TRPM3: variants seen among roughly 807,000 people sequenced by gnomAD.
TRPM3 encodes the protein long transient receptor potential channel 3.
Under a neutral mutation model 181.2 loss-of-function variants are expected in TRPM3, and 77 were observed. The ratio of observed to expected loss-of-function variants is 0.42; its 90% confidence interval spans 0.35 to 0.51. The LOEUF (loss-of-function observed/expected upper bound fraction) is 0.51. TRPM3 is among the 20% of genes least tolerant of loss of function. TRPM3 has a pLI of 0.01. For synonymous variants in TRPM3, 745 were observed against 796.4 expected, an observed-to-expected ratio of 0.94 and a Z score of 1.09; for missense variants, 1,759 against 2,196.7, an observed-to-expected ratio of 0.80 and a Z score of 3.98.
At chr9:70,914,168 T>C (rs1589735920) in intron 1 of TRPM3, among the ~76,000 whole-genome samples, 2 of 152,204 alleles carry the variant, frequency 1.3e-5, no homozygotes, top group African/African-American at 4.8e-5. Context: ...ATGGAGTTAA[T>C]GCCCATATAA....
chr9:70,655,923 T>C (rs1046999905), intron 9 of TRPM3, among the ~76,000 whole-genome samples: 1 of 152,200 alleles, frequency 6.6e-6, no homozygotes, highest in African/African-American at 2.4e-5. Context: ...AATACCTCTA[T>C]GTATTTATAT....
At chr9:71,386,578 A>G (rs2092928824) in intron 1 of TRPM3, among the ~76,000 whole-genome samples, 1 of 152,180 alleles carries the variant, frequency 6.6e-6, no homozygotes, top group South Asian at 2.1e-4. Flanking sequence ...GTACAGATGT[A>G]TCTGGTAGTC....
intron 5 of TRPM3, among the ~76,000 whole-genome samples, chr9:70,842,605 AGAGCCCTGGG>A (rs1012384812): frequency 6.6e-6 from 1 of 152,152 alleles, no homozygotes; most frequent in Non-Finnish European, 1.5e-5. Flanking sequence ...TAAAGATGCT[AGAGCCCTGGG>A]GTGCGGAGAG....
intron 7 of TRPM3, among the ~76,000 whole-genome samples, chr9:70,762,430 G>T (rs1021290317): frequency 3.3e-5 from 5 of 152,166 alleles, no homozygotes; most frequent in African/African-American, 1.2e-4. Flanking sequence ...TCTTAAATAT[G>T]AATCAATCAC....
Position 71,269,412 on chromosome 9 carries a change from C to T in TRPM3, c.183+177241G>A, listed in dbSNP as rs543580942. Among the ~76,000 whole-genome samples, 6 of 152,290 alleles carry T rather than the reference C, an allele frequency of 3.9e-5. No homozygotes were observed. The East Asian group carries it at 5.8e-4, about 15-fold the overall frequency. On this transcript the variant is annotated intron_variant, in intron 1 of 24. Transcript: ENST00000357533. ...GTTTAAGAGAAAAACTGAACACATTCCTTCTCCAAGTCAGTGAACCATGGC... is the reference window on the plus strand; with the variant it reads ...GTTTAAGAGAAAAACTGAACACATTTCTTCTCCAAGTCAGTGAACCATGGC...
chr9:70,976,295 A>G (rs1193325378), intron 1 of TRPM3, among the ~76,000 whole-genome samples: 1 of 152,194 alleles, frequency 6.6e-6, no homozygotes, highest in African/African-American at 2.4e-5. Flanking sequence ...GTGAAGGAAA[A>G]CAGAACAGGG....
intron 1 of TRPM3, among the ~76,000 whole-genome samples, chr9:71,223,580 G>A (rs2080376139): frequency 6.6e-6 from 1 of 152,208 alleles, no homozygotes; most frequent in Admixed American, 6.5e-5. Context: ...TCACAGTGAG[G>A]CAGAGCATCA....
At chr9:71,032,015 A>AT (rs1491444584) in intron 1 of TRPM3, among the ~76,000 whole-genome samples, 31 of 506 alleles carry the variant, frequency 0.061, no homozygotes, top group South Asian at 0.5. Flanking sequence ...ATAATATATA[A>AT]TATATATATA....
intron 12 of TRPM3, among the ~76,000 whole-genome samples, chr9:70,629,428 C>G (rs964997643): frequency 3.3e-5 from 5 of 151,956 alleles, no homozygotes; most frequent in African/African-American, 1.2e-4. Context: ...CTCCGCCTCC[C>G]GGGTTCAAGT....
intron 1 of TRPM3, among the ~76,000 whole-genome samples, chr9:71,147,115 T>G (rs1005432956): frequency 6.6e-6 from 1 of 152,178 alleles, no homozygotes; most frequent in Non-Finnish European, 1.5e-5. Flanking sequence ...TGTCCCAGCC[T>G]AGGAGCCAAG....
At chr9:71,102,577 C>A (rs979252085) in intron 1 of TRPM3, among the ~76,000 whole-genome samples, 10 of 152,172 alleles carry the variant, frequency 6.6e-5, no homozygotes, top group African/African-American at 2.4e-4. Context: ...TGCACATACT[C>A]TTTCCTCTCC....
rs539986640 is a variant in TRPM3, at chr9:71,093,129, A to C, written c.177+28049T>G. On this transcript the variant is annotated intron_variant, in intron 1 of 25. Transcript: ENST00000677713. ...AAATGTAAAACCCAAAACCATAAAA[A>C]TCATAGAAGAAAACCTAGGCAATAC... Among the ~76,000 whole-genome samples, 248 of 152,314 alleles carry C rather than the reference A, an allele frequency of 1.6e-3. 2 individuals carry two copies. Among genetic ancestry groups the C allele is most frequent in the African/African-American group, 5.7e-3 (237 of 41,570 alleles).
intron 8 of TRPM3, among the ~76,000 whole-genome samples, chr9:70,749,772 A>C (rs2075808599): frequency 6.6e-6 from 1 of 152,180 alleles, no homozygotes; most frequent in Admixed American, 6.5e-5. Context: ...GCTTTATTTA[A>C]TTTTTATCTT....
intron 6 of TRPM3, among the ~76,000 whole-genome samples, chr9:70,815,217 C>T (rs1303420030): frequency 1.3e-5 from 2 of 152,010 alleles, no homozygotes; most frequent in Non-Finnish European, 2.9e-5. Flanking sequence ...TTTATGTGAG[C>T]CCAACAGCGG....
chr9:70,953,230 G>A (rs2097024092), intron 1 of TRPM3, among the ~76,000 whole-genome samples: 1 of 152,156 alleles, frequency 6.6e-6, no homozygotes, highest in Non-Finnish European at 1.5e-5. Flanking sequence ...CAGTTTCAAA[G>A]TGCTTTTGTT....
chr9:70,679,008 A>G (rs546938355), intron 9 of TRPM3, among the ~76,000 whole-genome samples: 1 of 152,370 alleles, frequency 6.6e-6, no homozygotes, highest in East Asian at 1.9e-4. Context: ...CAACTGCTGC[A>G]TAGATAATGT....
chr9:70,994,605 T>C (rs1055377423), intron 1 of TRPM3, among the ~76,000 whole-genome samples: 1 of 152,138 alleles, frequency 6.6e-6, no homozygotes, highest in South Asian at 2.1e-4. Flanking sequence ...TTGATACGTA[T>C]GCCCAGAGAA....
chr9:70,669,625 C>G (rs537019580), intron 9 of TRPM3, among the ~76,000 whole-genome samples: 2 of 152,152 alleles, frequency 1.3e-5, no homozygotes, highest in African/African-American at 2.4e-5. Context: ...AATAGATGAA[C>G]CTTGAGGGCA....
intron 1 of TRPM3, among the ~76,000 whole-genome samples, chr9:71,129,065 A>G (rs894733606): frequency 7.2e-5 from 11 of 152,220 alleles, no homozygotes; most frequent in African/African-American, 2.7e-4. Context: ...TCTGCTTGGT[A>G]GAGAATTTTA....
Sources: allele counts gnomAD v4.1 joint callset (sites outside exome capture counted in the v4.1 genomes callset), GRCh38; gene constraint gnomAD v4.1.1; transcripts MANE v1.5; gene names NCBI Gene and HGNC (gene_info 2026-07-23, HGNC 2026-07-21).